The following TINAG variants were observed in gnomAD, a reference collection of about 807,000 sequenced individuals.
TINAG encodes tubulointerstitial nephritis antigen.
TINAG carries 83 observed loss-of-function variants against 72.7 expected under a neutral mutation model. The observed-to-expected ratio is 1.14, with a 90% confidence interval of 0.96 to 1.37. The LOEUF is 1.37. TINAG is among the 40% of genes most tolerant of loss of function. The probability of loss-of-function intolerance (pLI) is 0.00; values close to 1 mark genes in which losing one functional copy is unlikely to be tolerated. For synonymous variants in TINAG, 234 were observed against 189.9 expected (o/e 1.23, Z -1.91); for missense variants, 685 against 576.6 (o/e 1.19, Z -1.93).
At chr6:54,379,859 C>T (rs1460165074) in intron 9 of TINAG, among the ~76,000 whole-genome samples, 1 of 151,734 alleles carries the variant, frequency 6.6e-6, no homozygotes, top group African/African-American at 2.4e-5. Context: ...TATACACGTG[C>T]CATGGTGGTT....
In TINAG at chr6:54,365,739, G is replaced by A. The variant is rs553950825; in HGVS notation, c.1250+11103G>A. On this transcript the variant is annotated intron_variant, in intron 9 of 10. Transcript: ENST00000259782. ...ATTCCAAATTTGCATAAATTTTAAA[G>A]GAAAAACCCATTAGAGATTCAAATT... Among the ~76,000 whole-genome samples the A allele has an allele frequency of 9.2e-5, 14 of 151,604 alleles. 1 individual carries two copies. The highest frequency in any genetic ancestry group is 3.4e-4 in the African/African-American group (14 of 41,490).
chr6:54,376,635 G>A (rs1241222923), intron 9 of TINAG, among the ~76,000 whole-genome samples: 1 of 152,052 alleles, frequency 6.6e-6, no homozygotes, highest in Non-Finnish European at 1.5e-5. Context: ...GAAAAGTTTA[G>A]TGTTTAGCAT....
In TINAG at chr6:54,327,092, T is replaced by C. The variant is rs1341106699; in HGVS notation, c.624+176T>C. The stretch of plus-strand genomic sequence containing the variant: ...GTTGTTAAACCCCTCAAAAGTTTCA[T>C]ATGAGATTTGCAAGTTTACTGTTAC... On this transcript the variant is annotated intron_variant, in intron 4 of 10. Coordinates refer to ENST00000259782, the MANE Select transcript of TINAG (RefSeq NM_014464.4). 3.9e-6 allele frequency: 6 copies of C among 1,547,768 alleles called. No homozygotes were observed. The African/African-American group carries it at 8.3e-5, about 21-fold the overall frequency.
At chr6:54,355,757 G>A in intron 9 of TINAG, among the ~76,000 whole-genome samples, 1 of 141,600 alleles carries the variant, frequency 7.1e-6, no homozygotes, top group Non-Finnish European at 1.6e-5. Flanking sequence ...ATTTATAAAT[G>A]TTTTCACCAT....
chr6:54,342,590 G>A (rs1365506040), intron 4 of TINAG, among the ~76,000 whole-genome samples: 5 of 151,874 alleles, frequency 3.3e-5, no homozygotes, highest in African/African-American at 9.7e-5. Flanking sequence ...GGCTGGTCTC[G>A]AACTCCTGAC....
At chr6:54,370,899 A>G (rs1763583371) in intron 9 of TINAG, among the ~76,000 whole-genome samples, 1 of 152,078 alleles carries the variant, frequency 6.6e-6, no homozygotes, top group Non-Finnish European at 1.5e-5. Context: ...TCATTGATTC[A>G]TCATCTCAAA....
At chr6:54,348,494 GATGTTGTGGAGGCTGCAAA>G (rs1436871067) in intron 6 of TINAG, among the ~76,000 whole-genome samples, 1 of 152,074 alleles carries the variant, frequency 6.6e-6, no homozygotes, top group Non-Finnish European at 1.5e-5. Flanking sequence ...CGCAAACACT[GATGTTGTGGAGGCTGCAAA>G]ATCCAGGACC....
At chr6:54,320,876 T>C (rs904431600) in intron 2 of TINAG, among the ~76,000 whole-genome samples, 1 of 152,188 alleles carries the variant, frequency 6.6e-6, no homozygotes, top group African/African-American at 2.4e-5. Flanking sequence ...ACAATGGGTC[T>C]TCATCATACA....
At chr6:54,337,420 A>T (rs1784892893) in intron 4 of TINAG, among the ~76,000 whole-genome samples, 1 of 151,906 alleles carries the variant, frequency 6.6e-6, no homozygotes, top group African/African-American at 2.4e-5. Flanking sequence ...AGCCCGGCTA[A>T]TCTTCGTATT....
rs547662966 is a variant in TINAG at position 54,375,878 on chromosome 6, C to T, written c.1251-4648C>T. Among the ~76,000 whole-genome samples, 6 of 152,212 alleles carry T rather than the reference C, an allele frequency of 3.9e-5. No homozygotes were observed. The South Asian group carries it at 8.3e-4, about 21-fold the overall frequency. ...AGAGCTGTCTTTCTAAAAGATAATC[C>T]GGATCATGTCACATTCCATATTCAA... On this transcript the variant is annotated intron_variant, in intron 9 of 10. Transcript: ENST00000259782.
At chr6:54,324,281 G>A (rs138111568) in intron 3 of TINAG, among the ~76,000 whole-genome samples, 6 of 152,146 alleles carry the variant, frequency 3.9e-5, no homozygotes, top group Non-Finnish European at 8.8e-5. Flanking sequence ...TGTCAACAGA[G>A]CCTCAACTGA....
At chr6:54,320,779 T>A (rs1784473151) in intron 2 of TINAG, 137 bp downstream of exon 2, 3 of 588,470 alleles carry the variant, frequency 5.1e-6, no homozygotes, top group Non-Finnish European at 5.7e-6. Context: ...ATCATGTACC[T>A]GTAACTTTGT....
chr6:54,377,983 A>G (rs952898113), intron 9 of TINAG, among the ~76,000 whole-genome samples: 6 of 152,026 alleles, frequency 3.9e-5, no homozygotes, highest in Admixed American at 3.3e-4. Context: ...TTTTTACAAC[A>G]TCCCATTGCA....
chr6:54,308,341 G>A (rs1227418259), upstream of TINAG: 18 of 636,120 alleles, frequency 2.8e-5, no homozygotes, highest in East Asian at 4.7e-4. Context: ...AATAACAATA[G>A]TTTATTTCTA....
At chr6:54,321,939 G>T (rs1440279106) in intron 3 of TINAG, among the ~76,000 whole-genome samples, 1 of 152,102 alleles carries the variant, frequency 6.6e-6, no homozygotes, top group Admixed American at 6.6e-5. Context: ...CTGAAACATT[G>T]GAAATAACTG....
intron 6 of TINAG, 27 bp from the exon 7 acceptor site, chr6:54,349,689 C>T (rs924628689): frequency 6.7e-7 from 1 of 1,503,020 alleles, no homozygotes; most frequent in Non-Finnish European, 9.0e-7. Flanking sequence ...TAAATATTAC[C>T]TTTGCTTCTT....
At chr6:54,385,224 T>C (rs1024686336) in intron 10 of TINAG, among the ~76,000 whole-genome samples, 2 of 148,914 alleles carry the variant, frequency 1.3e-5, no homozygotes, top group African/African-American at 2.5e-5. Flanking sequence ...AAGCAAAGAG[T>C]TGATGCTTTG....
chr6:54,312,730 T>A (rs1784286723), intron 1 of TINAG, among the ~76,000 whole-genome samples: 1 of 152,234 alleles, frequency 6.6e-6, no homozygotes, highest in South Asian at 2.1e-4. Context: ...CAGGATTTTT[T>A]ATTTAAAAAT....
At chr6:54,381,989 T>A (rs1763965172) in intron 10 of TINAG, among the ~76,000 whole-genome samples, 1 of 152,038 alleles carries the variant, frequency 6.6e-6, no homozygotes, top group Admixed American at 6.6e-5. Flanking sequence ...TACCTCTAGG[T>A]AGTGTATATG....
Sources: allele counts gnomAD v4.1 joint callset (sites outside exome capture counted in the v4.1 genomes callset), GRCh38; gene constraint gnomAD v4.1.1; transcripts MANE v1.5; gene names NCBI Gene and HGNC (gene_info 2026-07-23, HGNC 2026-07-21).